The following PARD3B variants were observed in gnomAD, a reference collection of about 807,000 sequenced individuals.
PARD3B encodes partitioning defective 3 homolog B.
Under a neutral mutation model 130.2 loss-of-function variants are expected in PARD3B, and 103 were observed. The observed-to-expected ratio is 0.79, with a 90% CI of 0.67 to 0.93. PARD3B has a LOEUF of 0.93. PARD3B is among the 40% of genes least tolerant of loss of function. The probability of loss-of-function intolerance (pLI) is 0.00; values close to 1 mark genes in which losing one functional copy is unlikely to be tolerated. For missense variants in PARD3B, 1,609 were observed against 1,499.2 expected (o/e 1.07, Z -1.21); for synonymous variants, 583 against 553.2 (o/e 1.05, Z -0.76).
intron 4 of PARD3B, among the ~76,000 whole-genome samples, chr2:205,056,059 T>G (rs1336758844): frequency 6.6e-6 from 1 of 152,110 alleles, no homozygotes; most frequent in Non-Finnish European, 1.5e-5. Context: ...TTCCAAATTG[T>G]GGACATTTAG....
chr2:205,134,508 A>G (rs879896627), intron 10 of PARD3B, among the ~76,000 whole-genome samples: 1 of 152,132 alleles, frequency 6.6e-6, no homozygotes, highest in Non-Finnish European at 1.5e-5. Context: ...TGGGCAACAG[A>G]GTGAGACCCT....
chr2:205,328,955 A>G (rs2043023040), intron 18 of PARD3B, among the ~76,000 whole-genome samples: 1 of 152,126 alleles, frequency 6.6e-6, no homozygotes, highest in Non-Finnish European at 1.5e-5. Context: ...CTTTTTCCTC[A>G]ATGCATTTCT....
intron 2 of PARD3B, among the ~76,000 whole-genome samples, chr2:204,801,468 T>C (rs886607677): frequency 3.3e-5 from 5 of 152,184 alleles, no homozygotes; most frequent in Non-Finnish European, 5.9e-5. Context: ...TTTATTCTCT[T>C]TTTAGCAATT....
At chr2:204,895,011 G>C (rs1428394426) in intron 2 of PARD3B, among the ~76,000 whole-genome samples, 1 of 151,702 alleles carries the variant, frequency 6.6e-6, no homozygotes, top group Non-Finnish European at 1.5e-5. Context: ...TTGGACTATA[G>C]TAATAGATTT....
At chr2:204,648,889 CAT>C (rs1381811877) in intron 1 of PARD3B, among the ~76,000 whole-genome samples, 1 of 27,406 alleles carries the variant, frequency 3.6e-5, no homozygotes, top group Non-Finnish European at 5.0e-5. Context: ...TAATATATAT[CAT>C]ATAAATAATA....
At chr2:205,422,948 C>T (rs534387848) in intron 19 of PARD3B, among the ~76,000 whole-genome samples, 10 of 152,290 alleles carry the variant, frequency 6.6e-5, no homozygotes, top group African/African-American at 2.4e-4. Flanking sequence ...TTGTAGTTCT[C>T]AAAACTATGT....
At chr2:204,662,915 T>TTAA (rs2035876848) in intron 1 of PARD3B, among the ~76,000 whole-genome samples, 1 of 152,108 alleles carries the variant, frequency 6.6e-6, no homozygotes, top group African/African-American at 2.4e-5. Context: ...TGGACCAACT[T>TTAA]TAAAAACTGC....
chr2:205,375,376 G>T (rs996152111), intron 18 of PARD3B, among the ~76,000 whole-genome samples: 2 of 152,200 alleles, frequency 1.3e-5, no homozygotes, highest in African/African-American at 2.4e-5. Flanking sequence ...AGGAACTAAG[G>T]CTAAAGAAGT....
chr2:205,161,783 G>A (rs188955397), intron 11 of PARD3B, among the ~76,000 whole-genome samples: 1 of 152,304 alleles, frequency 6.6e-6, no homozygotes, highest in East Asian at 1.9e-4. Flanking sequence ...TTCAACCAGA[G>A]CACAATCTTT....
intron 3 of PARD3B, among the ~76,000 whole-genome samples, chr2:204,983,549 T>G (rs1277020024): frequency 6.6e-6 from 1 of 152,200 alleles, no homozygotes; most frequent in African/African-American, 2.4e-5. Context: ...TTCATGCATT[T>G]TATTACCTGT....
chr2:204,650,923 A>G (rs2035455317), intron 1 of PARD3B, among the ~76,000 whole-genome samples: 1 of 152,120 alleles, frequency 6.6e-6, no homozygotes. Context: ...GAAGTGCCAC[A>G]CACTTTCAGA....
At chr2:204,663,793 T>C (rs2035916611) in intron 1 of PARD3B, among the ~76,000 whole-genome samples, 1 of 152,218 alleles carries the variant, frequency 6.6e-6, no homozygotes, top group Non-Finnish European at 1.5e-5. Flanking sequence ...ATTTTAAAAA[T>C]CATAATTTAT....
At chr2:205,531,467 C>T (rs1293058297) in intron 21 of PARD3B, among the ~76,000 whole-genome samples, 1 of 152,138 alleles carries the variant, frequency 6.6e-6, no homozygotes, top group Non-Finnish European at 1.5e-5. Context: ...TTCATATCTC[C>T]TGTCATATTG....
intron 20 of PARD3B, among the ~76,000 whole-genome samples, chr2:205,466,866 C>A (rs1419702295): frequency 1.3e-5 from 2 of 152,204 alleles, no homozygotes. Context: ...GCACCCACCA[C>A]CACACCTGGC....
intron 15 of PARD3B, among the ~76,000 whole-genome samples, chr2:205,197,125 C>T (rs2036743021): frequency 6.6e-6 from 1 of 150,392 alleles, no homozygotes; most frequent in Admixed American, 6.7e-5. Flanking sequence ...TTGCTATTGG[C>T]TTCTGATGGA....
intron 15 of PARD3B, among the ~76,000 whole-genome samples, chr2:205,196,752 G>C (rs986048523): frequency 6.6e-6 from 1 of 152,118 alleles, no homozygotes; most frequent in Non-Finnish European, 1.5e-5. Flanking sequence ...TTGAAATTTA[G>C]TCACATTGAA....
At chr2:204,867,756 G>A (rs189126788) in intron 2 of PARD3B, among the ~76,000 whole-genome samples, 2 of 152,192 alleles carry the variant, frequency 1.3e-5, no homozygotes, top group East Asian at 3.9e-4. Flanking sequence ...GATGTATTTA[G>A]CAGACATTTC....
At chr2:204,775,880 T>G (rs1174804222) in intron 2 of PARD3B, among the ~76,000 whole-genome samples, 1 of 152,150 alleles carries the variant, frequency 6.6e-6, no homozygotes, top group Non-Finnish European at 1.5e-5. Context: ...TTAAAAATCT[T>G]TCTGGCTTGC....
intron 21 of PARD3B, among the ~76,000 whole-genome samples, chr2:205,507,168 C>T (rs542002677): frequency 7.1e-6 from 1 of 140,178 alleles, no homozygotes; most frequent in South Asian, 2.3e-4. Flanking sequence ...CACTTCTGAA[C>T]CAACCTTCAT....
Sources: gnomAD v4.1 joint callset for allele counts (sites outside exome capture counted in the v4.1 genomes callset) on GRCh38, gnomAD v4.1.1 for gene constraint, MANE v1.5 for transcripts, NCBI Gene and HGNC (gene_info 2026-07-23, HGNC 2026-07-21) for gene names.